MGAT1: variants seen among roughly 807,000 people sequenced by gnomAD.
The protein encoded by MGAT1 is alpha-1,3-mannosyl-glycoprotein 2-beta-N-acetylglucosaminyltransferase, also known as N-glycosyl-oligosaccharide-glycoprotein N-acetylglucosaminyltransferase I.
Under a neutral mutation model 31.7 loss-of-function variants are expected in MGAT1, and 14 were observed. The observed-to-expected ratio is 0.44, with a 90% CI of 0.29 to 0.69. The LOEUF is 0.69. Ranked by LOEUF, MGAT1 falls within the 30% of genes least tolerant of loss-of-function variation. MGAT1 has a pLI of 0.12. For synonymous variants in MGAT1, 338 were observed against 276.0 expected, an observed-to-expected ratio of 1.22 and a Z score of -2.23; for missense variants, 557 against 626.0, an observed-to-expected ratio of 0.89 and a Z score of 1.18.
chr5:180,802,683 G>A lies in MGAT1; in HGVS notation c.-130C>T, dbSNP rs1183485960. 6.6e-6 allele frequency: 1 copy of A among 152,278 alleles called. No individual in the cohort carries two copies. The highest frequency in any genetic ancestry group is 1.5e-5 in the Non-Finnish European group (1 of 68,118). 9.4% of individuals were successfully genotyped at this position (152,278 alleles called of 1,614,324 possible). A position where few individuals can be genotyped will look rare whatever the true frequency, so the allele number is the denominator to read the frequency against. The stretch of plus-strand genomic sequence containing the variant: ...CCGTCCCCGGACACCTACTCACCAG[G>A]TCCTCCCGACGTCCTGGCCCCGAAC... On this transcript the variant is annotated 5_prime_UTR_variant, in exon 1 of 2. Coordinates refer to ENST00000307826, the MANE Select transcript of MGAT1 (RefSeq NM_002406.4).
intron 1 of MGAT1, among the ~76,000 whole-genome samples, chr5:180,815,007 G>A (rs1347123198): frequency 1.3e-5 from 2 of 152,086 alleles, no homozygotes; most frequent in South Asian, 2.1e-4. Flanking sequence ...ATAAGGAAAG[G>A]GAATTTATTT....
At chr5:180,796,393 T>A (rs184517470) in intron 1 of MGAT1, among the ~76,000 whole-genome samples, 1 of 152,292 alleles carries the variant, frequency 6.6e-6, no homozygotes, top group African/African-American at 2.4e-5. Context: ...TTAAATTCTA[T>A]TATATCAGGG....
At position 180,785,771 on chromosome 5, in the gene MGAT1, T is replaced by C. The variant is rs527260233; in HGVS notation, c.*5863A>G. On this transcript the variant is annotated 3_prime_UTR_variant, in exon 2 of 2. Transcript: ENST00000307826. ...TGAAAGGTTTTGCCCTTTTCCTAAA[T>C]AGAAACTCTGAAAAGTAATCAAACA... 5 of 152,420 alleles carry C rather than the reference T, an allele frequency of 3.3e-5. No individual in the cohort carries two copies. The East Asian group carries it at 9.6e-4, about 29-fold the overall frequency. 9.4% of individuals were successfully genotyped at this position (152,420 alleles called of 1,614,324 possible).
rs370649257 is a variant in MGAT1, at chr5:180,786,259, C to T, written c.*5375G>A. On this transcript the variant is annotated 3_prime_UTR_variant, in exon 2 of 2. Coordinates refer to ENST00000307826, the MANE Select transcript of MGAT1 (RefSeq NM_002406.4). ...CCTGAGAAGACTCAGCCCCCTGCCA[C>T]AGTAGGACAGGTTTCTCAAACAACC... 12 of 152,256 alleles carry T rather than the reference C, an allele frequency of 7.9e-5. No individual in the cohort carries two copies. Among genetic ancestry groups the T allele is most frequent in the African/African-American group, 2.7e-4 (11 of 41,462 alleles). The allele number at this position is 152,256 out of a possible 1,614,324, so 9.4% of individuals were successfully genotyped here.
upstream of MGAT1, among the ~76,000 whole-genome samples, chr5:180,805,127 G>C (rs1360501197): frequency 6.6e-6 from 1 of 152,160 alleles, no homozygotes; most frequent in African/African-American, 2.4e-5. Flanking sequence ...AGTGACTGGA[G>C]TAAGAAGGAT....
chr5:180,792,785 C>G lies in MGAT1; in HGVS notation c.187G>C (p.Val63Leu). 6.4e-7 allele frequency: 1 copy of G among 1,551,496 alleles called. No homozygotes were observed. The highest frequency in any genetic ancestry group is 8.7e-7 in the Non-Finnish European group (1 of 1,148,092). Reference sequence around the variant, plus strand: ...AGCCCACGCTGCCGCTCCAGCTCCACCTCGGCGTCTTGGGCCAGGCGAATC... The same window carrying G: ...AGCCCACGCTGCCGCTCCAGCTCCAGCTCGGCGTCTTGGGCCAGGCGAATC... ...EVIRLAQDAE[V>L]ELERQRGLLQ... The change falls in exon 2 of 2, where the codon GTG (valine) becomes CTG (leucine). Residue 63 changes from valine to leucine, a missense_variant. Transcript: ENST00000307826.
intron 1 of MGAT1, among the ~76,000 whole-genome samples, chr5:180,811,558 A>G (rs1335785093): frequency 6.6e-6 from 1 of 152,006 alleles, no homozygotes; most frequent in Non-Finnish European, 1.5e-5. Context: ...CAATCTGACT[A>G]GAAATCCTGT....
chr5:180,800,119 C>T (rs1464603874), intron 1 of MGAT1, among the ~76,000 whole-genome samples: 5 of 152,196 alleles, frequency 3.3e-5, no homozygotes, highest in African/African-American at 1.2e-4. Context: ...TCTGGGGTGA[C>T]TCATTATGCA....
At position 180,791,283 on chromosome 5, in the gene MGAT1, A is replaced by T; in HGVS notation, c.*351T>A. 3.4e-6 allele frequency: 1 copy of T among 294,538 alleles called. No homozygotes were observed. Among genetic ancestry groups the T allele is most frequent in the Non-Finnish European group, 6.4e-6 (1 of 157,090 alleles). The allele number at this position is 294,538 out of a possible 1,614,324, so 18.2% of individuals were successfully genotyped here. On this transcript the variant is annotated 3_prime_UTR_variant, in exon 2 of 2. Transcript: ENST00000307826. The stretch of plus-strand genomic sequence containing the variant: ...TGGCTGGAAGAGCCAGGTCAGGGAG[A>T]AGGGGTCTGGTCAAGAGAGCGAACG...
At chr5:180,815,329 T>C (rs1382174907) in intron 1 of MGAT1, 1 of 152,368 alleles carries the variant, frequency 6.6e-6, no homozygotes, top group Non-Finnish European at 1.5e-5. Flanking sequence ...CACCCAAATA[T>C]GCATGCTCAA....
At chr5:180,797,599 G>C (rs1581844663) in intron 1 of MGAT1, among the ~76,000 whole-genome samples, 1 of 152,140 alleles carries the variant, frequency 6.6e-6, no homozygotes, top group East Asian at 1.9e-4. Flanking sequence ...CTGATGCTTA[G>C]GACCTCCTGC....
chr5:180,794,407 T>A (rs2113275764), intron 1 of MGAT1, among the ~76,000 whole-genome samples: 1 of 121,524 alleles, frequency 8.2e-6, no homozygotes. Context: ...AAAATTTTTT[T>A]TTATTATATA....
intron 1 of MGAT1, among the ~76,000 whole-genome samples, chr5:180,796,283 C>G (rs1055763040): frequency 8.5e-5 from 13 of 152,190 alleles, no homozygotes; most frequent in African/African-American, 2.9e-4. Context: ...CAGCATTCAC[C>G]ACCAACCACT....
At position 180,786,882 on chromosome 5, in the gene MGAT1, G is replaced by C. The variant is rs902643758; in HGVS notation, c.*4752C>G. ...CTTACAGTTCTGGTATAAAGGGTCA[G>C]ACTTCAAGTTAGCCAAGGGAGGCAG... On this transcript the variant is annotated 3_prime_UTR_variant, in exon 2 of 2. Coordinates refer to ENST00000307826, the MANE Select transcript of MGAT1 (RefSeq NM_002406.4). 6.6e-6 allele frequency: 1 copy of C among 152,312 alleles called. No individual in the cohort carries two copies. The highest frequency in any genetic ancestry group is 6.5e-5 in the Admixed American group (1 of 15,278). The allele number at this position is 152,312 out of a possible 1,614,324, so 9.4% of individuals were successfully genotyped here. A position where few individuals can be genotyped will look rare whatever the true frequency, so the allele number is the denominator to read the frequency against.
chr5:180,796,301 T>C (rs893135998), intron 1 of MGAT1, among the ~76,000 whole-genome samples: 1 of 152,194 alleles, frequency 6.6e-6, no homozygotes, highest in African/African-American at 2.4e-5. Context: ...ACTTGTCTTC[T>C]TCCTAGAAAC....
At chr5:180,799,520 T>TGAC (rs1453266701) in intron 1 of MGAT1, among the ~76,000 whole-genome samples, 2 of 152,196 alleles carry the variant, frequency 1.3e-5, no homozygotes, top group Non-Finnish European at 2.9e-5. Context: ...CACGCTGACC[T>TGAC]GACTCCCACC....
chr5:180,814,859 G>A (rs1772770399), intron 1 of MGAT1, among the ~76,000 whole-genome samples: 1 of 151,510 alleles, frequency 6.6e-6, no homozygotes, highest in South Asian at 2.1e-4. Context: ...AGAATCGCTT[G>A]AACCCGGGGG....
intron 1 of MGAT1, among the ~76,000 whole-genome samples, chr5:180,793,323 C>T (rs771820018): frequency 9.2e-5 from 14 of 152,134 alleles, no homozygotes; most frequent in Non-Finnish European, 1.5e-4. Flanking sequence ...AAAAGAACCC[C>T]AACTCCCCTC....
rs949444750 is a variant in MGAT1 at position 180,785,242 on chromosome 5, C to T, written c.*6392G>A. 2 of 152,252 alleles carry T rather than the reference C, an allele frequency of 1.3e-5. No individual in the cohort carries two copies. The highest frequency in any genetic ancestry group is 6.5e-5 in the Admixed American group (1 of 15,288). 9.4% of individuals were successfully genotyped at this position (152,252 alleles called of 1,614,324 possible). On this transcript the variant is annotated 3_prime_UTR_variant, in exon 2 of 2. Coordinates refer to ENST00000307826, the MANE Select transcript of MGAT1 (RefSeq NM_002406.4). ...TTGTTCAAACATTCCATTCTGGTCACATAAAATCTTCCACCGTTTCAAGGA... is the reference window on the plus strand; with the variant it reads ...TTGTTCAAACATTCCATTCTGGTCATATAAAATCTTCCACCGTTTCAAGGA...
Sources: allele counts gnomAD v4.1 joint callset (sites outside exome capture counted in the v4.1 genomes callset), GRCh38; gene constraint gnomAD v4.1.1; transcripts MANE v1.5; gene names NCBI Gene and HGNC (gene_info 2026-07-23, HGNC 2026-07-21).